Variants in ZNF23 observed in about 807,000 individuals in gnomAD.
ZNF23 encodes the protein kruppel-like zinc finger factor X31.
A neutral mutation model predicts 56.2 loss-of-function variants in ZNF23; 48 were observed. The ratio of observed to expected loss-of-function variants is 0.85; its 90% CI spans 0.68 to 1.09. The LOEUF (loss-of-function observed/expected upper bound fraction) is 1.09. ZNF23 is among the 50% of genes least tolerant of loss of function. The pLI, the probability that ZNF23 is intolerant of heterozygous loss-of-function variation, is 0.00. For synonymous variants in ZNF23, 266 were observed against 283.3 expected (o/e 0.94, Z 0.61); for missense variants, 805 against 811.4 (o/e 0.99, Z 0.10).
rs774985250 is a variant in ZNF23, at chr16:71,448,820, C to G, written c.1334G>C (p.Ser445Thr). Residue 445 changes from serine (S) to threonine (T), a missense_variant, in exon 5 of 5, where the codon AGT becomes ACT. Transcript: ENST00000647773. Reference sequence around the variant, plus strand: ...GTGTTGGATTAACTTCCCTTTGACACTGAAGGCTTTTCCACATTCAGTGCA... The same window carrying G: ...GTGTTGGATTAACTTCCCTTTGACAGTGAAGGCTTTTCCACATTCAGTGCA... ...YECTECGKAF[S>T]VKGKLIQHQR... is the part of the protein sequence containing the mutation. The G allele has an allele frequency of 6.2e-7, 1 of 1,614,208 alleles. No homozygotes were observed.
In ZNF23 at chr16:71,449,639, T is replaced by C. The variant is rs771415995; in HGVS notation, c.515A>G (p.Tyr172Cys). Residue 172 changes from tyrosine (Y) to cysteine (C), a missense_variant, in exon 5 of 5, where the codon TAT becomes TGT. Physicochemically the swap from Tyr to Cys is radical, Grantham distance 194. Coordinates refer to ENST00000647773, the MANE Select transcript of ZNF23 (RefSeq NM_001381984.1). Reference sequence around the variant, plus strand: ...CTCTCCAGTGATGGTATGACACTGATATGAGTTTGAACTTTGACTAAAAAA... The same window carrying C: ...CTCTCCAGTGATGGTATGACACTGACATGAGTTTGAACTTTGACTAAAAAA... ...ECFFSQSSNS[Y>C]QCHTITGEQP... The C allele has an allele frequency of 6.2e-7, 1 of 1,614,012 alleles. No homozygotes were observed.
rs542976372 is a variant in ZNF23 at position 71,457,424 on chromosome 16, G to A, written c.-32-596C>T. ...CTAAAAATATAAAAATTAGCCGGGCGTGCTGGCGGGCGCCTGTAGTCCCAG... is the reference window on the plus strand; with the variant it reads ...CTAAAAATATAAAAATTAGCCGGGCATGCTGGCGGGCGCCTGTAGTCCCAG... On this transcript the variant is annotated intron_variant, in intron 1 of 4. Transcript: ENST00000647773. 1.9e-3 allele frequency among the ~76,000 whole-genome samples: 294 copies of A among 152,264 alleles called. 4 individuals are homozygous for A. Among genetic ancestry groups the A allele is most frequent in the African/African-American group, 8.9e-4 (37 of 41,552 alleles).
At chr16:71,450,341 T>G (rs898466204) in intron 4 of ZNF23, 1 of 148,658 alleles carries the variant, frequency 6.7e-6, no homozygotes, top group African/African-American at 3.0e-5. Context: ...TGAAAAGCAA[T>G]GAAAGTAATG....
rs750548503 is a variant in ZNF23, at chr16:71,449,007, C to A, written c.1147G>T (p.Glu383Ter). The change falls in exon 5 of 5, where the codon GAA (glutamate) becomes TAA (stop). Residue 383 changes from glutamate to a stop codon, truncating the protein, a stop_gained. Transcript: ENST00000647773. LOFTEE classifies it high-confidence loss of function. ...HTGEKPYECN[E>*]CGKGFRCSSQ... ...CTGCACCTGAAGCCTTTTCCACATT[C>A]ATTACATTCATAAGGTTTCTCTCCA... is the stretch of plus-strand genomic sequence containing the variant. 1 of 1,614,172 alleles carries A rather than the reference C, an allele frequency of 6.2e-7. No individual in the cohort carries two copies.
In ZNF23 at chr16:71,447,966, A is replaced by T. The variant is rs906496160; in HGVS notation, c.*127T>A. ...TTTCCTGATTTAAACTGAATAGAAT[A>T]AAAACTGTTTCCATATGAAGACTCT... is the stretch of plus-strand genomic sequence containing the variant. On this transcript the variant is annotated 3_prime_UTR_variant, in exon 5 of 5. Coordinates refer to ENST00000647773, the MANE Select transcript of ZNF23 (RefSeq NM_001381984.1). 1 of 674,014 alleles carries T rather than the reference A, an allele frequency of 1.5e-6. No individual in the cohort carries two copies. The highest frequency in any genetic ancestry group is 1.8e-5 in the African/African-American group (1 of 54,716). 41.8% of individuals were successfully genotyped at this position (674,014 alleles called of 1,614,324 possible). A position where few individuals can be genotyped will look rare whatever the true frequency, so the allele number is the denominator to read the frequency against.
rs201547917 is a variant in ZNF23, at chr16:71,454,004, T to C, written c.160+38A>G. The C allele has an allele frequency of 1.4e-4, 233 of 1,611,272 alleles. 1 individual carries two copies. In the African/African-American group the frequency reaches 1.7e-3, roughly 11 times the overall value. On this transcript the variant is annotated intron_variant, in intron 3 of 4. Transcript: ENST00000647773. ...GGGAGAAGCAAGCCAGGAACCCCAA[T>C]TGGCAGATTCCAGGTTCCCAGGGTA...
intron 3 of ZNF23, 33 bp downstream of exon 3, chr16:71,454,009 A>C (rs2043139619): frequency 5.0e-6 from 8 of 1,612,838 alleles, no homozygotes; most frequent in Non-Finnish European, 6.8e-6. Context: ...CCCAATTGGC[A>C]GATTCCAGGT....
chr16:71,459,210 G>A (rs1417707111), intron 1 of ZNF23, among the ~76,000 whole-genome samples: 1 of 152,232 alleles, frequency 6.6e-6, no homozygotes, highest in African/African-American at 2.4e-5. Flanking sequence ...GTGGACACCT[G>A]CTGGGCCCTG....
chr16:71,450,596 G>A (rs1267848895), intron 4 of ZNF23: 1 of 378,422 alleles, frequency 2.6e-6, no homozygotes. Flanking sequence ...GTACGTGCCT[G>A]TAGTTCCAGC....
rs1308614226 is a variant in ZNF23 at position 71,449,046 on chromosome 16, G to A, written c.1108C>T (p.Gln370Ter). Residue 370 changes from glutamine to a stop codon, truncating the protein, a stop_gained, in exon 5 of 5, where the codon CAG becomes TAG. Coordinates refer to ENST00000647773, the MANE Select transcript of ZNF23 (RefSeq NM_001381984.1). LOFTEE classifies it high-confidence loss of function. The part of the protein sequence containing the change: ...FNVNAKLIQH[Q>*]RIHTGEKPYE... ...GGTTTCTCTCCAGTATGGATTCTCT[G>A]ATGTTGAATTAATTTTGCATTAACA... 12 of 1,614,178 alleles carry A rather than the reference G, an allele frequency of 7.4e-6. No homozygotes were observed. The highest frequency in any genetic ancestry group is 1.1e-5 in the South Asian group (1 of 91,074).
chr16:71,448,651 G>C lies in ZNF23; in HGVS notation c.1503C>G (p.Ser501Arg). The C allele has an allele frequency of 6.2e-7, 1 of 1,613,950 alleles. No homozygotes were observed. The highest frequency in any genetic ancestry group is 1.3e-5 in the African/African-American group (1 of 74,934). ...YECNECGKAF[S>R]VNGKLMRHQR... is the part of the protein sequence containing the mutation. ...GATGCCGCATTAGTTTCCCATTAAC[G>C]CTGAAGGCCTTTCCACACTCATTAC... The change falls in exon 5 of 5, where the codon AGC (serine) becomes AGG (arginine). Residue 501 changes from serine (S) to arginine (R), a missense_variant. By Grantham distance (110) the Ser-to-Arg change is moderately radical. Coordinates refer to ENST00000647773, the MANE Select transcript of ZNF23 (RefSeq NM_001381984.1).
At chr16:71,455,644 A>G (rs1279303705) in intron 2 of ZNF23, among the ~76,000 whole-genome samples, 1 of 152,080 alleles carries the variant, frequency 6.6e-6, no homozygotes, top group African/African-American at 2.4e-5. Context: ...GGTGTGAGCC[A>G]CCACACCCGG....
In ZNF23 at chr16:71,448,762, C is replaced by G. The variant is rs141609449; in HGVS notation, c.1392G>C (p.Glu464Asp). ...TGAAGGCTTTCCCGCATTCATTACA[C>G]TCATAGGGTTTCTCGCCTGTGTGAA... Reference protein sequence around the residue: ...QRIHTGEKPYECNECGKAFRC... With the variant: ...QRIHTGEKPYDCNECGKAFRC... The change falls in exon 5 of 5, where the codon GAG becomes GAC. Residue 464 changes from glutamate to aspartate, a missense_variant. Physicochemically the swap from Glu to Asp is conservative, Grantham distance 45. Transcript: ENST00000647773. 1.0e-4 allele frequency: 162 copies of G among 1,614,186 alleles called. 1 individual carries two copies. In the African/African-American group the frequency reaches 2.1e-3, roughly 21 times the overall value.
rs1025769531 is a variant in ZNF23, at chr16:71,449,973, G to A, written c.269-88C>T. 8 of 1,108,550 alleles carry A rather than the reference G, an allele frequency of 7.2e-6. No homozygotes were observed. In the Admixed American group the frequency reaches 2.2e-4, roughly 31 times the overall value. 68.7% of individuals were successfully genotyped at this position (1,108,550 alleles called of 1,614,324 possible). A position where few individuals can be genotyped will look rare whatever the true frequency, so the allele number is the denominator to read the frequency against. Reference sequence around the variant, plus strand: ...GTGCTATAAAAGACCATAATAATCAGGGGGCTCCTTAAAATCACCAGACTA... The same window carrying A: ...GTGCTATAAAAGACCATAATAATCAAGGGGCTCCTTAAAATCACCAGACTA... On this transcript the variant is annotated intron_variant, in intron 4 of 4. Transcript: ENST00000647773.
In ZNF23 at chr16:71,453,283, A is replaced by G; in HGVS notation, c.228T>C (p.Ser76=). 1.2e-6 allele frequency: 2 copies of G among 1,609,432 alleles called. No individual in the cohort carries two copies. Among genetic ancestry groups the G allele is most frequent in the Non-Finnish European group, 1.7e-6 (2 of 1,177,732 alleles). ...LEGGSELGGS[S]PLAAGTGLQG... is the part of the protein sequence containing the mutation. ...GGAGGCCTGTTCCTGCAGCCAGTGG[A>G]GATGAGCCCCCCAGCTCACTTCCTC... Residue 76 remains serine, a synonymous_variant, in exon 4 of 5, where the codon TCT becomes TCC. Coordinates refer to ENST00000647773, the MANE Select transcript of ZNF23 (RefSeq NM_001381984.1).
chr16:71,447,617 T>A lies in ZNF23; in HGVS notation c.*476A>T, dbSNP rs1804984. On this transcript the variant is annotated 3_prime_UTR_variant, in exon 5 of 5. Transcript: ENST00000647773. ...ATACCTTTTTCCTTTTTTAAATAAA[T>A]CTTTATTTTTCATCTTTTCAAAAGT... 17,446 of 152,494 alleles carry A rather than the reference T, an allele frequency of 0.11. 1,112 individuals carry two copies. Among genetic ancestry groups the A allele is most frequent in the Non-Finnish European group, 0.15 (10,033 of 68,182 alleles). The allele number at this position is 152,494 out of a possible 1,614,324, so 9.4% of individuals were successfully genotyped here.
Position 71,448,415 on chromosome 16 carries a change from C to T in ZNF23, c.1739G>A (p.Cys580Tyr). 2 of 1,614,210 alleles carry T rather than the reference C, an allele frequency of 1.2e-6. No homozygotes were observed. The highest frequency in any genetic ancestry group is 1.1e-5 in the South Asian group (1 of 91,082). Residue 580 changes from cysteine to tyrosine, a missense_variant, in exon 5 of 5, where the codon TGT becomes TAT. By Grantham distance (194) the Cys-to-Tyr change is radical (BLOSUM62 -2). Transcript: ENST00000647773. ...AGAACTACAGCTGAATGCTTTCTCA[C>T]ATTCCATACATTTGAAAGGTTTCTC... ...TGEKPFKCME[C>Y]EKAFSCSSNY...
intron 2 of ZNF23, among the ~76,000 whole-genome samples, chr16:71,454,372 T>C (rs889116281): frequency 6.6e-6 from 1 of 152,122 alleles, no homozygotes; most frequent in African/African-American, 2.4e-5. Flanking sequence ...GGAAACCTCA[T>C]GCCATTTTTC....
intron 2 of ZNF23, among the ~76,000 whole-genome samples, chr16:71,454,992 AC>A (rs147908969): frequency 0.01 from 1,524 of 152,002 alleles, 57 homozygotes; most frequent in East Asian, 0.084. Flanking sequence ...CCCTCTGCCC[AC>A]CTCAGCCTGC....
Sources: gnomAD v4.1 joint callset for allele counts (sites outside exome capture counted in the v4.1 genomes callset) on GRCh38, gnomAD v4.1.1 for gene constraint, MANE v1.5 for transcripts, NCBI Gene and HGNC (gene_info 2026-07-23, HGNC 2026-07-21) for gene names.